TERB1: variants seen among roughly 807,000 people sequenced by gnomAD.
TERB1 encodes the protein telomere repeats-binding bouquet formation protein 1.
Under a neutral mutation model 92.3 loss-of-function variants are expected in TERB1, and 63 were observed. The ratio of observed to expected loss-of-function variants is 0.68; its 90% CI spans 0.56 to 0.84. TERB1 has a LOEUF of 0.84. Among genes scored for constraint, TERB1 ranks in the 40% least tolerant of loss-of-function variants. The pLI is 0.00. For synonymous variants in TERB1, 252 were observed against 283.9 expected (o/e 0.89, Z 1.13); for missense variants, 709 against 843.7 (o/e 0.84, Z 1.98).
chr16:66,767,655 G>A, intron 15 of TERB1, 145 bp from the exon 16 acceptor site: 1 of 561,008 alleles, frequency 1.8e-6, no homozygotes, highest in Admixed American at 3.7e-5. Flanking sequence ...AAAGATTCTG[G>A]ATCTTAATGG....
In TERB1 at chr16:66,790,906, T is replaced by C. The variant is rs2018822228; in HGVS notation, c.142+3A>G. On this transcript the variant is annotated splice_donor_region_variant and intron_variant, in intron 4 of 18. Coordinates refer to ENST00000433154, the MANE Select transcript of TERB1 (RefSeq NM_001136505.2). The stretch of plus-strand genomic sequence containing the variant: ...CAGATAAAAATTCACTATTATATCT[T>C]ACTGTTTTGTTGACAAATTGAATGA... 4.6e-6 allele frequency: 7 copies of C among 1,530,328 alleles called. No individual in the cohort carries two copies. The highest frequency in any genetic ancestry group is 6.2e-6 in the Non-Finnish European group (7 of 1,129,774). 94.8% of individuals were successfully genotyped at this position (1,530,328 alleles called of 1,614,324 possible). A position where few individuals can be genotyped will look rare whatever the true frequency, so the allele number is the denominator to read the frequency against.
rs931665061 is a variant in TERB1, at chr16:66,770,574, A to G, written c.1273-265T>C. 3.9e-5 allele frequency among the ~76,000 whole-genome samples: 6 copies of G among 152,176 alleles called. No individual in the cohort carries two copies. In the East Asian group the frequency reaches 5.8e-4, roughly 15 times the overall value. On this transcript the variant is annotated intron_variant, in intron 13 of 18. Transcript: ENST00000433154. Reference sequence around the variant, plus strand: ...AAGTCAAAATGAACCAAATTTTTAAATATAAAAACAAAGTCATATATGTTC... The same window carrying G: ...AAGTCAAAATGAACCAAATTTTTAAGTATAAAAACAAAGTCATATATGTTC...
intron 2 of TERB1, among the ~76,000 whole-genome samples, chr16:66,799,375 G>A (rs1398736846): frequency 6.6e-6 from 1 of 151,922 alleles, no homozygotes; most frequent in Non-Finnish European, 1.5e-5. Context: ...TTACAGGCAC[G>A]CACCACCATG....
chr16:66,768,962 G>A (rs567064613), intron 14 of TERB1, among the ~76,000 whole-genome samples: 15 of 151,984 alleles, frequency 9.9e-5, no homozygotes, highest in East Asian at 7.8e-4. Flanking sequence ...AAAATTAGCC[G>A]GGCGTGGTGG....
Position 66,769,965 on chromosome 16 carries a change from T to C in TERB1, c.1617A>G (p.Ser539=), listed in dbSNP as rs1019789882. The C allele has an allele frequency of 5.8e-6, 9 of 1,545,492 alleles. No individual in the cohort carries two copies. In the African/African-American group the frequency reaches 1.1e-4, roughly 19 times the overall value. Residue 539 remains serine (S), a splice_region_variant and synonymous_variant, in exon 14 of 19, where the codon TCA becomes TCG. Coordinates refer to ENST00000433154, the MANE Select transcript of TERB1 (RefSeq NM_001136505.2). ...TTFEKNFVSQ[S]SDHVFKHPVH... is the part of the protein sequence containing the mutation. ...TACACACAATTATTAAACTATACCT[T>C]GATTGAGAAACAAAATTCTTTTCAA...
intron 12 of TERB1, among the ~76,000 whole-genome samples, chr16:66,774,186 GTTT>G (rs34258271): frequency 1.1e-5 from 1 of 90,664 alleles, no homozygotes; most frequent in Non-Finnish European, 2.1e-5. Flanking sequence ...CAGCCCAAAC[GTTT>G]TTTTTTTTTT....
intron 3 of TERB1, among the ~76,000 whole-genome samples, chr16:66,794,235 G>A (rs369816397): frequency 7.2e-5 from 11 of 152,090 alleles, no homozygotes; most frequent in Middle Eastern, 3.4e-3. Context: ...AAGTAGCCGG[G>A]AATACACGCA....
chr16:66,760,118 G>A lies in TERB1; in HGVS notation c.1781-828C>T, dbSNP rs2018208012. Reference sequence around the variant, plus strand: ...TGCACTCCAACCTGGGTGACAGAGCGAGACTCCATCTCAAAAAAAAAAAAA... The same window carrying A: ...TGCACTCCAACCTGGGTGACAGAGCAAGACTCCATCTCAAAAAAAAAAAAA... On this transcript the variant is annotated intron_variant, in intron 16 of 18. Coordinates refer to ENST00000433154, the MANE Select transcript of TERB1 (RefSeq NM_001136505.2). Among the ~76,000 whole-genome samples, 5 of 91,062 alleles carry A rather than the reference G, an allele frequency of 5.5e-5. No homozygotes were observed. The South Asian group carries it at 2.4e-3, about 44-fold the overall frequency. 59.7% of individuals were successfully genotyped at this position (91,062 alleles called of 152,430 possible).
Position 66,767,396 on chromosome 16 carries a change from C to A in TERB1, c.1780+19G>T. ...AAAGGCTTTGACTGTGAAACAACTGCAATTAAAAAAATACTTACCTGAGCA... is the reference window on the plus strand; with the variant it reads ...AAAGGCTTTGACTGTGAAACAACTGAAATTAAAAAAATACTTACCTGAGCA... On this transcript the variant is annotated intron_variant, in intron 16 of 18. Coordinates refer to ENST00000433154, the MANE Select transcript of TERB1 (RefSeq NM_001136505.2). 1 of 1,395,418 alleles carries A rather than the reference C, an allele frequency of 7.2e-7. No homozygotes were observed. Among genetic ancestry groups the A allele is most frequent in the Non-Finnish European group, 9.7e-7 (1 of 1,030,284 alleles). 86.4% of individuals were successfully genotyped at this position (1,395,418 alleles called of 1,614,324 possible).
rs566483764 is a variant in TERB1 at position 66,794,015 on chromosome 16, C to T, written c.31+2753G>A. 6.6e-5 allele frequency among the ~76,000 whole-genome samples: 10 copies of T among 152,312 alleles called. No homozygotes were observed. The South Asian group carries it at 1.4e-3, about 22-fold the overall frequency. Reference sequence around the variant, plus strand: ...TATGGATACCAATAAGCCACATCAACGTGCCAAAGAAAATTTTTGATGGAG... The same window carrying T: ...TATGGATACCAATAAGCCACATCAATGTGCCAAAGAAAATTTTTGATGGAG... On this transcript the variant is annotated intron_variant, in intron 3 of 18. Coordinates refer to ENST00000433154, the MANE Select transcript of TERB1 (RefSeq NM_001136505.2).
chr16:66,754,835 GCATCACAAAAACTGTT>G lies in TERB1; in HGVS notation c.*125_*140del. ...AATCATTGTAATTTGATGAGTTTCA[GCATCACAAAAACTGTT>G]TAATGAAAACTGTATCCTCATTTCC... On this transcript the variant is annotated 3_prime_UTR_variant, in exon 19 of 19. Transcript: ENST00000433154. The G allele has an allele frequency of 1.4e-6, 1 of 715,824 alleles. No homozygotes were observed. The allele number at this position is 715,824 out of a possible 1,614,324, so 44.3% of individuals were successfully genotyped here.
Position 66,768,149 on chromosome 16 carries a change from G to C in TERB1, c.1639C>G (p.Pro547Ala), listed in dbSNP as rs1186013949. Residue 547 changes from proline (P) to alanine (A), a missense_variant, in exon 15 of 19, where the codon CCA becomes GCA. Pro to Ala is a conservative substitution (Grantham distance 27). Coordinates refer to ENST00000433154, the MANE Select transcript of TERB1 (RefSeq NM_001136505.2). ...TTTATATTTTTGGCAATGTGAACTG[G>C]GTGTTTAAAAACATGGTCACTAAAA... is the stretch of plus-strand genomic sequence containing the variant. ...SQSSDHVFKHPVHIAKNIKQQ... is the reference protein window; with the variant it reads ...SQSSDHVFKHAVHIAKNIKQQ... 6.5e-7 allele frequency: 1 copy of C among 1,550,020 alleles called. No homozygotes were observed. The highest frequency in any genetic ancestry group is 1.2e-5 in the South Asian group (1 of 83,966).
At chr16:66,784,063 C>G (rs899376084) in intron 9 of TERB1, among the ~76,000 whole-genome samples, 3 of 152,140 alleles carry the variant, frequency 2.0e-5, no homozygotes, top group Admixed American at 1.3e-4. Flanking sequence ...TTCTACTATT[C>G]TTTTATTACT....
At chr16:66,799,064 T>C (rs1216611506) in intron 2 of TERB1, among the ~76,000 whole-genome samples, 3 of 152,236 alleles carry the variant, frequency 2.0e-5, no homozygotes, top group Non-Finnish European at 4.4e-5. Context: ...GGTTAAGATT[T>C]GGAAAATATT....
chr16:66,784,782 A>G lies in TERB1; in HGVS notation c.700+1004T>C, dbSNP rs373204868. ...TTTTTTTTTTTTGAAACGGAGTCTC[A>G]TTCTGTCACCCAGGCTGGAGTGCAG... On this transcript the variant is annotated intron_variant, in intron 9 of 18. Transcript: ENST00000433154. 6.5e-5 allele frequency among the ~76,000 whole-genome samples: 8 copies of G among 123,164 alleles called. No individual in the cohort carries two copies. In the East Asian group the frequency reaches 1.6e-3, roughly 25 times the overall value. 80.8% of individuals were successfully genotyped at this position (123,164 alleles called of 152,430 possible). A position where few individuals can be genotyped will look rare whatever the true frequency, so the allele number is the denominator to read the frequency against.
At chr16:66,758,462 C>T in intron 18 of TERB1, 1 of 228,760 alleles carries the variant, frequency 4.4e-6, no homozygotes, top group Non-Finnish European at 8.5e-6. Flanking sequence ...TATATTCAGC[C>T]AGGTGCAATG....
At chr16:66,786,864 A>C (rs958650293) in intron 6 of TERB1, among the ~76,000 whole-genome samples, 1 of 152,164 alleles carries the variant, frequency 6.6e-6, no homozygotes, top group African/African-American at 2.4e-5. Context: ...CGCTTCCCTG[A>C]GGCTGCCCTA....
chr16:66,800,788 C>A (rs936562551), intron 2 of TERB1, among the ~76,000 whole-genome samples, 189 bp downstream of exon 2: 5 of 152,124 alleles, frequency 3.3e-5, no homozygotes, highest in Admixed American at 2.6e-4. Context: ...TCATTCAGGT[C>A]CCAGAAAACG....
Position 66,761,258 on chromosome 16 carries a change from C to T in TERB1, c.1781-1968G>A, listed in dbSNP as rs540198973. Among the ~76,000 whole-genome samples, 5 of 150,276 alleles carry T rather than the reference C, an allele frequency of 3.3e-5. No homozygotes were observed. The East Asian group carries it at 9.8e-4, about 30-fold the overall frequency. On this transcript the variant is annotated intron_variant, in intron 16 of 18. Coordinates refer to ENST00000433154, the MANE Select transcript of TERB1 (RefSeq NM_001136505.2). ...CTTGAGGTCAGGAGTTCAAGACCAG[C>T]CTGGCCAACATGACAAAACCCCGTC...
Sources: gnomAD v4.1 joint callset for allele counts (sites outside exome capture counted in the v4.1 genomes callset) on GRCh38, gnomAD v4.1.1 for gene constraint, MANE v1.5 for transcripts, NCBI Gene and HGNC (gene_info 2026-07-23, HGNC 2026-07-21) for gene names.